Variants in NRXN3 observed in about 807,000 individuals in gnomAD.
NRXN3 encodes the protein neurexin III.
NRXN3 carries 32 observed loss-of-function variants against 137.6 expected under a neutral mutation model. The ratio of observed to expected loss-of-function variants is 0.23; its 90% confidence interval spans 0.18 to 0.31. The LOEUF (loss-of-function observed/expected upper bound fraction) is 0.31. NRXN3 is among the 10% of genes least tolerant of loss of function. The pLI is 1.00. For missense variants in NRXN3, 1,574 were observed against 2,062.5 expected, an observed-to-expected ratio of 0.76 and a Z score of 4.59; for synonymous variants, 798 against 784.5, an observed-to-expected ratio of 1.02 and a Z score of -0.29.
chr14:78,246,954 A>C (rs1277373595), intron 2 of NRXN3, among the ~76,000 whole-genome samples: 1 of 152,226 alleles, frequency 6.6e-6, no homozygotes, highest in Non-Finnish European at 1.5e-5. Flanking sequence ...CTCTTGTCTC[A>C]ATTTGCAGTC....
At chr14:78,396,693 A>G (rs2091491264) in intron 4 of NRXN3, among the ~76,000 whole-genome samples, 2 of 152,162 alleles carry the variant, frequency 1.3e-5, no homozygotes, top group African/African-American at 4.8e-5. Flanking sequence ...ATATGCTATC[A>G]TTCAAATTAT....
intron 16 of NRXN3, among the ~76,000 whole-genome samples, chr14:79,520,725 C>T (rs2097056158): frequency 6.6e-6 from 1 of 152,134 alleles, no homozygotes; most frequent in African/African-American, 2.4e-5. Flanking sequence ...GAGATACCAT[C>T]TCATGCAAGT....
At chr14:78,912,085 A>T (rs1465309151) in intron 10 of NRXN3, among the ~76,000 whole-genome samples, 1 of 150,592 alleles carries the variant, frequency 6.6e-6, no homozygotes, top group South Asian at 2.2e-4. Flanking sequence ...CCCATCCCAC[A>T]ACAGTCCCCG....
Position 79,433,613 on chromosome 14 carries a change from G to A in NRXN3, c.3263-33608G>A, listed in dbSNP as rs377498769. Reference sequence around the variant, plus strand: ...AAAAACTCACCAGTTTAAAGTGCTCGTTTCATATGTTCACGATATCTAATA... The same window carrying A: ...AAAAACTCACCAGTTTAAAGTGCTCATTTCATATGTTCACGATATCTAATA... On this transcript the variant is annotated intron_variant, in intron 15 of 20. Transcript: ENST00000335750. Among the ~76,000 whole-genome samples the A allele has an allele frequency of 8.1e-4, 124 of 152,178 alleles. No homozygotes were observed. The Middle Eastern group carries it at 0.014, about 17-fold the overall frequency.
intron 4 of NRXN3, among the ~76,000 whole-genome samples, chr14:78,450,683 C>T (rs950486865): frequency 6.6e-6 from 1 of 152,202 alleles, no homozygotes; most frequent in Non-Finnish European, 1.5e-5. Flanking sequence ...TCCTGAGCTT[C>T]TCCCTCTGCC....
At chr14:79,258,646 G>A (rs1280926572) in intron 15 of NRXN3, among the ~76,000 whole-genome samples, 1 of 152,072 alleles carries the variant, frequency 6.6e-6, no homozygotes, top group Non-Finnish European at 1.5e-5. Context: ...TTTCTCTGAG[G>A]GTCAGTTCTT....
intron 1 of NRXN3, among the ~76,000 whole-genome samples, chr14:78,174,224 G>C (rs1458244483): frequency 1.3e-5 from 2 of 152,116 alleles, no homozygotes; most frequent in Non-Finnish European, 2.9e-5. Context: ...AAGGTTATGT[G>C]GGGGAGGCAG....
chr14:79,357,175 T>A (rs1015060897), intron 15 of NRXN3, among the ~76,000 whole-genome samples: 3 of 152,186 alleles, frequency 2.0e-5, no homozygotes, highest in Admixed American at 6.5e-5. Flanking sequence ...TATAAATATT[T>A]GTATGAAGTA....
At chr14:78,460,072 A>G (rs1278244084) in intron 4 of NRXN3, among the ~76,000 whole-genome samples, 3 of 152,230 alleles carry the variant, frequency 2.0e-5, no homozygotes, top group Non-Finnish European at 4.4e-5. Context: ...GGAACGCTTT[A>G]TTTACATCTA....
At chr14:78,249,889 G>A (rs543882304) in intron 2 of NRXN3, among the ~76,000 whole-genome samples, 3 of 152,162 alleles carry the variant, frequency 2.0e-5, no homozygotes, top group East Asian at 3.9e-4. Flanking sequence ...AAAACGATCC[G>A]GACTTAAATT....
At chr14:79,848,747 G>C (rs530603161) in intron 20 of NRXN3, among the ~76,000 whole-genome samples, 2 of 152,176 alleles carry the variant, frequency 1.3e-5, no homozygotes, top group East Asian at 3.9e-4. Context: ...GCTGGCCCCA[G>C]ATATGGCCCA....
chr14:79,618,960 T>C (rs2098192006), intron 16 of NRXN3, among the ~76,000 whole-genome samples: 1 of 152,162 alleles, frequency 6.6e-6, no homozygotes, highest in Non-Finnish European at 1.5e-5. Context: ...TAACTAGTGA[T>C]ATTGATCACT....
At chr14:79,501,168 T>C (rs575169556) in intron 16 of NRXN3, among the ~76,000 whole-genome samples, 1 of 152,274 alleles carries the variant, frequency 6.6e-6, no homozygotes, top group East Asian at 1.9e-4. Context: ...TAATATTCAA[T>C]GAATTGTTTG....
At chr14:79,000,700 G>C (rs2153107000) in intron 15 of NRXN3, among the ~76,000 whole-genome samples, 1 of 152,250 alleles carries the variant, frequency 6.6e-6, no homozygotes, top group Non-Finnish European at 1.5e-5. Flanking sequence ...CCCTGCTGCT[G>C]GTGGAGGTTG....
intron 4 of NRXN3, among the ~76,000 whole-genome samples, chr14:78,492,863 A>G (rs1480542995): frequency 6.6e-6 from 1 of 152,222 alleles, no homozygotes; most frequent in Admixed American, 6.5e-5. Flanking sequence ...TCATCTTGCT[A>G]TGTGTTCAAG....
At chr14:79,524,209 C>T (rs1189803863) in intron 16 of NRXN3, among the ~76,000 whole-genome samples, 2 of 152,140 alleles carry the variant, frequency 1.3e-5, no homozygotes, top group East Asian at 3.9e-4. Context: ...TTTGTGTTTG[C>T]AATGGAAGAA....
intron 4 of NRXN3, among the ~76,000 whole-genome samples, chr14:78,419,961 G>GCGCACACACACACACACA (rs1555518606): frequency 6.1e-5 from 3 of 49,242 alleles, no homozygotes; most frequent in Admixed American, 3.3e-4. Flanking sequence ...GCGCGCGCAC[G>GCGCACACACACACACACA]CACACACACA....
At chr14:79,747,823 A>C (rs1232290801) in intron 19 of NRXN3, among the ~76,000 whole-genome samples, 2 of 152,164 alleles carry the variant, frequency 1.3e-5, no homozygotes, top group Non-Finnish European at 2.9e-5. Context: ...CCCTGGAGTC[A>C]AACTTAGGTG....
In NRXN3 at chr14:79,454,263, T is replaced by C. The variant is rs559824199; in HGVS notation, c.3263-12958T>C. On this transcript the variant is annotated intron_variant, in intron 15 of 20. Transcript: ENST00000335750. ...CAAGCCCAGTTAATTTTTGTATTTT[T>C]AGTAGAGACGGGGTTTCACCATGTT... Among the ~76,000 whole-genome samples the C allele has an allele frequency of 2.6e-5, 4 of 152,266 alleles. No homozygotes were observed. In the East Asian group the frequency reaches 7.7e-4, roughly 29 times the overall value.
Sources: allele counts gnomAD v4.1 joint callset (sites outside exome capture counted in the v4.1 genomes callset), GRCh38; gene constraint gnomAD v4.1.1; transcripts MANE v1.5; gene names NCBI Gene and HGNC (gene_info 2026-07-23, HGNC 2026-07-21).